The following ZMYND15 variants were observed in gnomAD, a reference collection of about 807,000 sequenced individuals.
ZMYND15 encodes zinc finger MYND domain-containing protein 15.
A neutral mutation model predicts 81.7 loss-of-function variants in ZMYND15; 54 were observed. The observed-to-expected ratio is 0.66, with a 90% confidence interval of 0.53 to 0.83. The LOEUF (loss-of-function observed/expected upper bound fraction) is 0.83, where lower values mean the gene tolerates loss of function less well. Ranked by LOEUF, ZMYND15 falls within the 40% of genes least tolerant of loss-of-function variation. The pLI is 0.00. For missense variants in ZMYND15, 925 were observed against 973.5 expected (o/e 0.95, Z 0.66); for synonymous variants, 399 against 387.0 (o/e 1.03, Z -0.36).
chr17:4,744,910 G>A lies in ZMYND15; in HGVS notation c.1878G>A (p.Arg626=), dbSNP rs1208014570. The change falls in exon 12 of 14, where the codon AGG becomes AGA. Residue 626 remains arginine (R), a synonymous_variant. Coordinates refer to ENST00000433935, the MANE Select transcript of ZMYND15 (RefSeq NM_001136046.3). This position sits in a 1 kb window ranked among gnomAD's most constrained non-coding sequence, Gnocchi z 4.1. ...TTGCTCTCAAGGATACGTGGCTGAG[G>A]TCTCTGCCCCGGTTACAGGTGGGCA... ...SGFALKDTWL[R]SLPRLQSLRV... is the part of the protein sequence containing the mutation. 3.1e-6 allele frequency: 5 copies of A among 1,613,968 alleles called. No individual in the cohort carries two copies. The highest frequency in any genetic ancestry group is 4.2e-6 in the Non-Finnish European group (5 of 1,180,008).
chr17:4,742,602 T>A lies in ZMYND15; in HGVS notation c.1144+111T>A, dbSNP rs1275459147. 2.1e-6 allele frequency: 3 copies of A among 1,405,196 alleles called. No individual in the cohort carries two copies. In the East Asian group the frequency reaches 7.0e-5, roughly 33 times the overall value. 87.0% of individuals were successfully genotyped at this position (1,405,196 alleles called of 1,614,324 possible). A position where few individuals can be genotyped will look rare whatever the true frequency, so the allele number is the denominator to read the frequency against. On this transcript the variant is annotated intron_variant, in intron 5 of 13. Coordinates refer to ENST00000433935, the MANE Select transcript of ZMYND15 (RefSeq NM_001136046.3). Reference sequence around the variant, plus strand: ...CAGTTGAAGGCTGAGTGTCTGGGGCTAGAGCCTAGATCCCTGGAACAAGGG... The same window carrying A: ...CAGTTGAAGGCTGAGTGTCTGGGGCAAGAGCCTAGATCCCTGGAACAAGGG...
intron 5 of ZMYND15, among the ~76,000 whole-genome samples, chr17:4,742,947 G>A (rs969154669): frequency 1.3e-5 from 2 of 152,138 alleles, no homozygotes; most frequent in East Asian, 3.8e-4. Flanking sequence ...CCTCGCGGGA[G>A]GCTAGGGAGA....
Position 4,740,780 on chromosome 17 carries a change from G to C in ZMYND15, c.232G>C (p.Gly78Arg), listed in dbSNP as rs1361491383. The change falls in exon 2 of 14, where the codon GGT (glycine) becomes CGT (arginine). Residue 78 changes from glycine (G) to arginine (R), a missense_variant. By Grantham distance (125) the Gly-to-Arg change is moderately radical. Transcript: ENST00000433935. ...CAGCCTGGGGCAAGGGGCAGAACCAGGTCCTGGACCAGGCCTGGGGACTGC... is the reference window on the plus strand; with the variant it reads ...CAGCCTGGGGCAAGGGGCAGAACCACGTCCTGGACCAGGCCTGGGGACTGC... ...GISLGQGAEP[G>R]PGPGLGTAWL... 1.3e-6 allele frequency: 2 copies of C among 1,595,528 alleles called. No homozygotes were observed. Among genetic ancestry groups the C allele is most frequent in the East Asian group, 4.5e-5 (2 of 44,470 alleles).
Position 4,743,658 on chromosome 17 carries a change from C to T in ZMYND15, c.1298-109C>T. 1 of 1,306,514 alleles carries T rather than the reference C, an allele frequency of 7.7e-7. No homozygotes were observed. The highest frequency in any genetic ancestry group is 1.4e-5 in the South Asian group (1 of 70,240). The allele number at this position is 1,306,514 out of a possible 1,614,324, so 80.9% of individuals were successfully genotyped here. ...CCCCATCCCTATGCAAACCCCCATT[C>T]CTCTTACTGCGGCTGTCTCAGGGAA... On this transcript the variant is annotated intron_variant, in intron 6 of 13. Coordinates refer to ENST00000433935, the MANE Select transcript of ZMYND15 (RefSeq NM_001136046.3). This position sits in a 1 kb window ranked among gnomAD's most constrained non-coding sequence, Gnocchi z 4.3.
rs1013155770 is a variant in ZMYND15 at position 4,745,687 on chromosome 17, C to T, written c.2058-132C>T. Reference sequence around the variant, plus strand: ...AACTCAGAGGGGCAAGCCCCGCCCCCTGGTCCCTGACCGCCCGGTGGAGCC... The same window carrying T: ...AACTCAGAGGGGCAAGCCCCGCCCCTTGGTCCCTGACCGCCCGGTGGAGCC... On this transcript the variant is annotated intron_variant, in intron 13 of 13. Coordinates refer to ENST00000433935, the MANE Select transcript of ZMYND15 (RefSeq NM_001136046.3). This position sits in a 1 kb window ranked among gnomAD's most constrained non-coding sequence, Gnocchi z 5.2. 6.3e-6 allele frequency: 4 copies of T among 633,242 alleles called. No homozygotes were observed. The highest frequency in any genetic ancestry group is 7.9e-6 in the Non-Finnish European group (3 of 379,148). 39.2% of individuals were successfully genotyped at this position (633,242 alleles called of 1,614,324 possible).
chr17:4,742,325 C>T lies in ZMYND15; in HGVS notation c.984-6C>T, dbSNP rs1330795949. 3.1e-6 allele frequency: 5 copies of T among 1,613,328 alleles called. No homozygotes were observed. In the Admixed American group the frequency reaches 8.3e-5, roughly 27 times the overall value. ...ACTAGGTGCCCACCACCCGCTGTGT[C>T]CCCAGCCCCCAGTGTAGTGCTGTCT... On this transcript the variant is annotated splice_region_variant and splice_polypyrimidine_tract_variant and intron_variant, in intron 4 of 13. Transcript: ENST00000433935.
rs776164653 is a variant in ZMYND15 at position 4,741,592 on chromosome 17, C to G, written c.603C>G (p.Pro201=). Residue 201 remains proline, a synonymous_variant, in exon 3 of 14, where the codon CCC becomes CCG. Coordinates refer to ENST00000433935, the MANE Select transcript of ZMYND15 (RefSeq NM_001136046.3). ...KRKGQRSEAA[P]LHVSCLLLVT... ...TCCCTCTTTCCCCAGAGGCTGCCCC[C>G]CTGCACGTTTCCTGTCTCTTACTTG... 6.2e-7 allele frequency: 1 copy of G among 1,614,034 alleles called. No homozygotes were observed. Among genetic ancestry groups the G allele is most frequent in the South Asian group, 1.1e-5 (1 of 91,078 alleles).
In ZMYND15 at chr17:4,743,944, G is replaced by C. The variant is rs763741097; in HGVS notation, c.1379-47G>C. 3 of 1,561,294 alleles carry C rather than the reference G, an allele frequency of 1.9e-6. No individual in the cohort carries two copies. Among genetic ancestry groups the C allele is most frequent in the East Asian group, 2.4e-5 (1 of 42,324 alleles). ...GAAGAAGAGGTTTGTTAGACTAGAGGGGGTGGGGGTCCAGGGCCAGGTCCT... is the reference window on the plus strand; with the variant it reads ...GAAGAAGAGGTTTGTTAGACTAGAGCGGGTGGGGGTCCAGGGCCAGGTCCT... On this transcript the variant is annotated intron_variant, in intron 7 of 13. Transcript: ENST00000433935. This position sits in a 1 kb window ranked among gnomAD's most constrained non-coding sequence, Gnocchi z 4.3.
rs896701268 is a variant in ZMYND15 at position 4,745,272 on chromosome 17, G to A, written c.1954G>A (p.Gly652Ser). ...CAGCGAGTACAGCTGTGTGATGGAC[G>A]GCCAGACCATGGCGGTGGCCACTGG... ...ESSEYSCVMD[G>S]QTMAVATGGG... The change falls in exon 13 of 14, where the codon GGC becomes AGC. Residue 652 changes from glycine to serine, a missense_variant. By Grantham distance (56) the Gly-to-Ser change is moderately conservative. Coordinates refer to ENST00000433935, the MANE Select transcript of ZMYND15 (RefSeq NM_001136046.3). The surrounding 1 kb of genome is among the most constrained non-coding windows in gnomAD (Gnocchi z 5.2). 1.2e-5 allele frequency: 20 copies of A among 1,613,750 alleles called. No homozygotes were observed. The highest frequency in any genetic ancestry group is 1.5e-5 in the Non-Finnish European group (18 of 1,179,968).
Position 4,742,487 on chromosome 17 carries a change from C to A in ZMYND15, c.1140C>A (p.Thr380=), listed in dbSNP as rs61745817. The change falls in exon 5 of 14, where the codon ACC becomes ACA. Residue 380 remains threonine (T), a synonymous_variant. Transcript: ENST00000433935. ...TGGCAACCCTGCCTTTTACCTACACCGCAGGTACCATAAGGAGGTCAGAAT... is the reference window on the plus strand; with the variant it reads ...TGGCAACCCTGCCTTTTACCTACACAGCAGGTACCATAAGGAGGTCAGAAT... The part of the protein sequence containing the change: ...GELATLPFTY[T]AEVTSETFNK... 2 of 1,613,824 alleles carry A rather than the reference C, an allele frequency of 1.2e-6. No individual in the cohort carries two copies. Among genetic ancestry groups the A allele is most frequent in the South Asian group, 2.2e-5 (2 of 91,050 alleles).
In ZMYND15 at chr17:4,745,848, T is replaced by G. The variant is rs1288017216; in HGVS notation, c.2087T>G (p.Val696Gly). Residue 696 changes from valine (V) to glycine (G), a missense_variant, in exon 14 of 14, where the codon GTT (valine) becomes GGT (glycine). Val to Gly is a moderately radical substitution (Grantham distance 109, BLOSUM62 -3). Coordinates refer to ENST00000433935, the MANE Select transcript of ZMYND15 (RefSeq NM_001136046.3). This position sits in a 1 kb window ranked among gnomAD's most constrained non-coding sequence, Gnocchi z 5.2. ...WYCNAFIFHL[V>G]YKPAQGSGAR... The stretch of plus-strand genomic sequence containing the variant: ...TGCAATGCCTTCATCTTCCACCTGG[T>G]TTACAAGCCTGCTCAAGGGAGCGGG... The G allele has an allele frequency of 1.3e-6, 2 of 1,599,662 alleles. No individual in the cohort carries two copies. The highest frequency in any genetic ancestry group is 8.5e-7 in the Non-Finnish European group (1 of 1,174,862).
At position 4,743,132 on chromosome 17, in the gene ZMYND15, G is replaced by A. The variant is rs757025803; in HGVS notation, c.1145-171G>A. Reference sequence around the variant, plus strand: ...GCACTCGCTTGTGGTCACAATTCTCGGGAGACTGAGGTGGGAGAATCGTTT... The same window carrying A: ...GCACTCGCTTGTGGTCACAATTCTCAGGAGACTGAGGTGGGAGAATCGTTT... On this transcript the variant is annotated intron_variant, in intron 5 of 13. Transcript: ENST00000433935. The surrounding 1 kb of genome is among the most constrained non-coding windows in gnomAD (Gnocchi z 4.3). Among the ~76,000 whole-genome samples, 1 of 151,976 alleles carries A rather than the reference G, an allele frequency of 6.6e-6. No individual in the cohort carries two copies. The highest frequency in any genetic ancestry group is 6.6e-5 in the Admixed American group (1 of 15,254).
chr17:4,744,895 G>A lies in ZMYND15; in HGVS notation c.1863G>A (p.Lys621=), dbSNP rs1410301049. 2.5e-6 allele frequency: 4 copies of A among 1,614,112 alleles called. No homozygotes were observed. The highest frequency in any genetic ancestry group is 3.4e-6 in the Non-Finnish European group (4 of 1,180,016). Residue 621 remains lysine, a synonymous_variant, in exon 12 of 14, where the codon AAG becomes AAA. Transcript: ENST00000433935. This position sits in a 1 kb window ranked among gnomAD's most constrained non-coding sequence, Gnocchi z 4.1. ...VIGFNSGFAL[K]DTWLRSLPRL... is the part of the protein sequence containing the mutation. ...GATTTAACTCCGGGTTTGCTCTCAA[G>A]GATACGTGGCTGAGGTCTCTGCCCC...
At position 4,744,215 on chromosome 17, in the gene ZMYND15, A is replaced by G. The variant is rs1202651711; in HGVS notation, c.1521A>G (p.Lys507=). The change falls in exon 9 of 14, where the codon AAA becomes AAG. Residue 507 remains lysine, a synonymous_variant. Coordinates refer to ENST00000433935, the MANE Select transcript of ZMYND15 (RefSeq NM_001136046.3). This position sits in a 1 kb window ranked among gnomAD's most constrained non-coding sequence, Gnocchi z 4.1. ...TCCCTGAGCTCAACATCCAAAACAA[A>G]CAGTCACTGAAGATCCACGTGGTGG... The part of the protein sequence containing the change: ...QSFPELNIQN[K]QSLKIHVVEA... 1.1e-5 allele frequency: 17 copies of G among 1,613,792 alleles called. No homozygotes were observed. The highest frequency in any genetic ancestry group is 1.4e-5 in the Non-Finnish European group (17 of 1,179,964).
At chr17:4,742,941 G>T (rs759970494) in intron 5 of ZMYND15, among the ~76,000 whole-genome samples, 1 of 152,092 alleles carries the variant, frequency 6.6e-6, no homozygotes. Context: ...CAGGGTCCTC[G>T]CGGGAGGCTA....
chr17:4,744,092 C>G lies in ZMYND15; in HGVS notation c.1480C>G (p.Leu494Val). The G allele has an allele frequency of 6.3e-7, 1 of 1,589,348 alleles. No homozygotes were observed. Among genetic ancestry groups the G allele is most frequent in the South Asian group, 1.1e-5 (1 of 88,682 alleles). Residue 494 changes from leucine to valine, a missense_variant, in exon 8 of 14, where the codon CTG becomes GTG. By Grantham distance (32) the Leu-to-Val change is conservative (BLOSUM62 1). Transcript: ENST00000433935. This position sits in a 1 kb window ranked among gnomAD's most constrained non-coding sequence, Gnocchi z 4.1. ...PLTVYYVITH[L>V]VPQSFPELNI... ...GACCGTGTACTACGTCATCACCCAC[C>G]TGGTGCCCCAGTCCTGTAAGGAGAG...
At position 4,740,009 on chromosome 17, in the gene ZMYND15, C is replaced by T. The variant is rs1349365994; in HGVS notation, c.-72C>T. ...GTCACAACCGCACCCGCGCACCCTC[C>T]ACCGCGAGGTATTTACCTTCGAAAA... On this transcript the variant is annotated 5_prime_UTR_variant, in exon 1 of 14. Coordinates refer to ENST00000433935, the MANE Select transcript of ZMYND15 (RefSeq NM_001136046.3). 3.0e-6 allele frequency: 3 copies of T among 985,314 alleles called. No individual in the cohort carries two copies. Among genetic ancestry groups the T allele is most frequent in the African/African-American group, 1.7e-5 (1 of 57,230 alleles). 61.0% of individuals were successfully genotyped at this position (985,314 alleles called of 1,614,324 possible).
Position 4,745,174 on chromosome 17 carries a change from T to G in ZMYND15, c.1897-41T>G. The G allele has an allele frequency of 6.2e-7, 1 of 1,613,360 alleles. No individual in the cohort carries two copies. The highest frequency in any genetic ancestry group is 1.1e-5 in the South Asian group (1 of 91,036). On this transcript the variant is annotated intron_variant, in intron 12 of 13. Coordinates refer to ENST00000433935, the MANE Select transcript of ZMYND15 (RefSeq NM_001136046.3). The surrounding 1 kb of genome is among the most constrained non-coding windows in gnomAD (Gnocchi z 5.2). Reference sequence around the variant, plus strand: ...TGTCATTCTGGCTGCTGGGATGGATTTGGGGAGGGGCCTCTCAGAGCGACT... The same window carrying G: ...TGTCATTCTGGCTGCTGGGATGGATGTGGGGAGGGGCCTCTCAGAGCGACT...
chr17:4,740,931 G>A lies in ZMYND15; in HGVS notation c.383G>A (p.Arg128Lys), dbSNP rs1323745837. The A allele has an allele frequency of 1.3e-6, 2 of 1,579,756 alleles. No homozygotes were observed. The highest frequency in any genetic ancestry group is 1.7e-6 in the Non-Finnish European group (2 of 1,160,866). Reference protein sequence around the residue: ...EEEEDEEEEKREDGGAGSTEK... With the variant: ...EEEEDEEEEKKEDGGAGSTEK... Reference sequence around the variant, plus strand: ...GAGGAAGATGAAGAAGAAGAGAAGAGAGAGGACGGGGGTGCAGGCAGCACA... The same window carrying A: ...GAGGAAGATGAAGAAGAAGAGAAGAAAGAGGACGGGGGTGCAGGCAGCACA... Residue 128 changes from arginine to lysine, a missense_variant, in exon 2 of 14, where the codon AGA (arginine) becomes AAA (lysine). Coordinates refer to ENST00000433935, the MANE Select transcript of ZMYND15 (RefSeq NM_001136046.3).
Sources: gnomAD v4.1 joint callset for allele counts (sites outside exome capture counted in the v4.1 genomes callset) on GRCh38, gnomAD v4.1.1 for gene constraint, Gnocchi (gnomAD v3.1) non-coding constraint, MANE v1.5 for transcripts, NCBI Gene and HGNC (gene_info 2026-07-23, HGNC 2026-07-21) for gene names.